Variants in MGAT4C observed in about 807,000 individuals in gnomAD.
MGAT4C encodes the protein MGAT4 family member C.
MGAT4C carries 19 observed loss-of-function variants against 40.1 expected under a neutral mutation model. The ratio of observed to expected loss-of-function variants is 0.47; its 90% CI spans 0.33 to 0.70. MGAT4C has a LOEUF of 0.70. MGAT4C is among the 30% of genes least tolerant of loss of function. The pLI is 0.02. For synonymous variants in MGAT4C, 181 were observed against 187.1 expected (o/e 0.97, Z 0.27); for missense variants, 491 against 563.2 (o/e 0.87, Z 1.30).
At chr12:86,560,512 A>G (rs1175350812) in intron 2 of MGAT4C, among the ~76,000 whole-genome samples, 5 of 152,178 alleles carry the variant, frequency 3.3e-5, no homozygotes, top group Admixed American at 1.3e-4. Context: ...AATATATCAC[A>G]TTAATAAAGG....
chr12:86,727,995 A>G (rs1950851452), intron 1 of MGAT4C, among the ~76,000 whole-genome samples: 1 of 152,202 alleles, frequency 6.6e-6, no homozygotes, highest in African/African-American at 2.4e-5. Context: ...GTGATGTACT[A>G]GATTTACTTT....
At chr12:86,588,901 C>T (rs1328554401) in intron 2 of MGAT4C, among the ~76,000 whole-genome samples, 1 of 151,640 alleles carries the variant, frequency 6.6e-6, no homozygotes, top group East Asian at 1.9e-4. Flanking sequence ...ACATTCAAAG[C>T]AGTGAGTAGA....
chr12:86,487,319 T>C (rs1036306440), intron 2 of MGAT4C, among the ~76,000 whole-genome samples: 1 of 152,194 alleles, frequency 6.6e-6, no homozygotes, highest in African/African-American at 2.4e-5. Flanking sequence ...ATGTATTCTT[T>C]CCTTGAATGT....
chr12:86,045,463 C>A (rs1007323104), intron 2 of MGAT4C, among the ~76,000 whole-genome samples: 1 of 152,072 alleles, frequency 6.6e-6, no homozygotes, highest in African/African-American at 2.4e-5. Context: ...GGAAAGGGAG[C>A]CAAGCTATAC....
chr12:86,691,287 A>T (rs1405145003), intron 2 of MGAT4C, among the ~76,000 whole-genome samples: 1 of 152,254 alleles, frequency 6.6e-6, no homozygotes, highest in African/African-American at 2.4e-5. Context: ...TCAGTATAAG[A>T]GAGAAACCAA....
intron 3 of MGAT4C, among the ~76,000 whole-genome samples, chr12:86,376,385 C>T (rs1015988910): frequency 1.3e-5 from 2 of 151,518 alleles, no homozygotes; most frequent in African/African-American, 2.4e-5. Flanking sequence ...CTCAAAAAAC[C>T]AAAAATAAAT....
chr12:86,348,896 G>T (rs913941714), intron 3 of MGAT4C, among the ~76,000 whole-genome samples: 15 of 151,902 alleles, frequency 9.9e-5, no homozygotes, highest in African/African-American at 3.1e-4. Context: ...TCTATTAATA[G>T]ATTTTATTTT....
intron 2 of MGAT4C, among the ~76,000 whole-genome samples, chr12:86,567,843 T>C (rs1363904382): frequency 1.3e-5 from 2 of 152,190 alleles, no homozygotes; most frequent in Non-Finnish European, 2.9e-5. Context: ...AAGGAAAATG[T>C]CTTCATTTTA....
chr12:86,478,823 C>A (rs1184136138), intron 2 of MGAT4C, among the ~76,000 whole-genome samples: 1 of 152,010 alleles, frequency 6.6e-6, no homozygotes, highest in Non-Finnish European at 1.5e-5. Context: ...GAAATAGCTT[C>A]TCAGATCTAT....
intron 1 of MGAT4C, among the ~76,000 whole-genome samples, chr12:86,102,305 T>C (rs1592942578): frequency 6.6e-6 from 1 of 152,030 alleles, no homozygotes; most frequent in East Asian, 1.9e-4. Flanking sequence ...CCAAAAAATG[T>C]AGCATTAGCT....
intron 1 of MGAT4C, among the ~76,000 whole-genome samples, chr12:86,083,174 T>C (rs1414963528): frequency 2.0e-5 from 3 of 152,096 alleles, no homozygotes; most frequent in African/African-American, 4.8e-5. Context: ...AGGCCAATTT[T>C]AACTCTTTTA....
intron 4 of MGAT4C, among the ~76,000 whole-genome samples, chr12:86,291,265 G>A (rs570740390): frequency 2.0e-5 from 3 of 152,148 alleles, no homozygotes; most frequent in Non-Finnish European, 4.4e-5. Context: ...CCACAAGTCC[G>A]GGTTAAAAAG....
At chr12:86,174,123 A>T (rs1593143875) in intron 1 of MGAT4C, among the ~76,000 whole-genome samples, 4 of 83,114 alleles carry the variant, frequency 4.8e-5, no homozygotes, top group African/African-American at 2.0e-4. Flanking sequence ...ACACACACAC[A>T]TACACACACA....
intron 4 of MGAT4C, among the ~76,000 whole-genome samples, chr12:86,312,824 G>T (rs1005167914): frequency 6.6e-6 from 1 of 152,124 alleles, no homozygotes; most frequent in African/African-American, 2.4e-5. Context: ...GTCTGCATTG[G>T]CCCATCAACT....
intron 1 of MGAT4C, among the ~76,000 whole-genome samples, chr12:86,751,192 C>T (rs1048401866): frequency 1.3e-5 from 2 of 151,930 alleles, no homozygotes; most frequent in Non-Finnish European, 2.9e-5. Context: ...AGACAATCTA[C>T]TAGAGAATAT....
intron 2 of MGAT4C, among the ~76,000 whole-genome samples, chr12:86,547,932 T>C (rs983577545): frequency 5.3e-5 from 8 of 152,266 alleles, no homozygotes; most frequent in African/African-American, 1.9e-4. Context: ...TGGCTTTTTC[T>C]TGTATTTCAG....
At chr12:86,355,191 C>T (rs1955281894) in intron 3 of MGAT4C, among the ~76,000 whole-genome samples, 1 of 152,116 alleles carries the variant, frequency 6.6e-6, no homozygotes, top group South Asian at 2.1e-4. Context: ...GCATATTTTA[C>T]AAAACTCTAG....
At chr12:86,076,103 A>G (rs1869644414) in intron 1 of MGAT4C, among the ~76,000 whole-genome samples, 1 of 152,182 alleles carries the variant, frequency 6.6e-6, no homozygotes, top group Non-Finnish European at 1.5e-5. Context: ...CCAAGTCACC[A>G]CTTGAATGCT....
At chr12:86,826,155 T>C (rs1052599163) in intron 1 of MGAT4C, among the ~76,000 whole-genome samples, 1 of 151,454 alleles carries the variant, frequency 6.6e-6, no homozygotes, top group Non-Finnish European at 1.5e-5. Flanking sequence ...TTCCCTCTAC[T>C]CTATTGCTCT....
Sources: allele counts gnomAD v4.1 joint callset (sites outside exome capture counted in the v4.1 genomes callset), GRCh38; gene constraint gnomAD v4.1.1; transcripts MANE v1.5; gene names NCBI Gene and HGNC (gene_info 2026-07-23, HGNC 2026-07-21).